The following PCDHA9 variants were observed in gnomAD, a reference collection of about 807,000 sequenced individuals.
PCDHA9 encodes the protein protocadherin alpha-9.
PCDHA9 carries 62 observed loss-of-function variants against 62.0 expected under a neutral mutation model. The ratio of observed to expected loss-of-function variants is 1.00; its 90% CI spans 0.81 to 1.23. The LOEUF (loss-of-function observed/expected upper bound fraction) is 1.23. PCDHA9 is among the 50% of genes most tolerant of loss of function. The probability of loss-of-function intolerance (pLI) is 0.00; values close to 1 mark genes in which losing one functional copy is unlikely to be tolerated. For missense variants in PCDHA9, 1,205 were observed against 1,249.8 expected (o/e 0.96, Z 0.54); for synonymous variants, 557 against 567.6 (o/e 0.98, Z 0.27).
At position 140,857,973 on chromosome 5, in the gene PCDHA9, C is replaced by G. The variant is rs114376757; in HGVS notation, c.2394+7084C>G. On this transcript the variant is annotated intron_variant, in intron 1 of 3. Transcript: ENST00000532602. ...CGCGCTCTGGATGAGACTGACTCGC[C>G]ACGCCAGCGCCTACTGGTGCTGGTG... is the stretch of plus-strand genomic sequence containing the variant. The G allele has an allele frequency of 3.1e-3, 4,989 of 1,596,810 alleles. 388 individuals carry two copies. In the African/African-American group the frequency reaches 0.058, roughly 19 times the overall value.
chr5:140,872,015 G>T (rs1322069149), intron 1 of PCDHA9, among the ~76,000 whole-genome samples: 3 of 152,208 alleles, frequency 2.0e-5, no homozygotes, highest in Non-Finnish European at 4.4e-5. Flanking sequence ...GTGACCTGTA[G>T]CCTGGAACTG....
At chr5:140,941,247 CT>C (rs1398354432) in intron 1 of PCDHA9, among the ~76,000 whole-genome samples, 1 of 128,506 alleles carries the variant, frequency 7.8e-6, no homozygotes, top group African/African-American at 2.9e-5. Context: ...TTCTTTCTTT[CT>C]TTCTTTCTCT....
At chr5:140,956,156 T>C (rs1467785699) in intron 1 of PCDHA9, among the ~76,000 whole-genome samples, 1 of 152,204 alleles carries the variant, frequency 6.6e-6, no homozygotes, top group Non-Finnish European at 1.5e-5. Flanking sequence ...TCTTTCCTAA[T>C]TGCCATAGCC....
At chr5:140,901,515 T>C (rs1323018473) in intron 1 of PCDHA9, among the ~76,000 whole-genome samples, 1 of 152,178 alleles carries the variant, frequency 6.6e-6, no homozygotes, top group Non-Finnish European at 1.5e-5. Context: ...ATTATAGATA[T>C]GTGGATTTGT....
At chr5:140,892,588 T>C (rs751167275) in intron 1 of PCDHA9, among the ~76,000 whole-genome samples, 12 of 152,204 alleles carry the variant, frequency 7.9e-5, no homozygotes, top group Non-Finnish European at 1.8e-4. Flanking sequence ...TCAGTATTCA[T>C]TCACCTATTT....
intron 1 of PCDHA9, among the ~76,000 whole-genome samples, chr5:140,923,177 A>G (rs1325033307): frequency 2.0e-5 from 3 of 152,174 alleles, no homozygotes; most frequent in African/African-American, 7.2e-5. Context: ...TTTTGTTCAG[A>G]TGCATCTACT....
At chr5:140,879,634 C>T (rs888836313) in intron 1 of PCDHA9, among the ~76,000 whole-genome samples, 2 of 152,306 alleles carry the variant, frequency 1.3e-5, no homozygotes, top group Admixed American at 1.3e-4. Context: ...GTAAGTGTGT[C>T]GCTTCCTGTG....
At chr5:140,950,976 A>G (rs543425095) in intron 1 of PCDHA9, among the ~76,000 whole-genome samples, 188 of 151,348 alleles carry the variant, frequency 1.2e-3, no homozygotes, top group African/African-American at 4.3e-3. Flanking sequence ...AGATTCATTG[A>G]CTTTTGCCTC....
chr5:141,006,441 C>T (rs2098274470), intron 3 of PCDHA9, among the ~76,000 whole-genome samples: 1 of 152,110 alleles, frequency 6.6e-6, no homozygotes, highest in Non-Finnish European at 1.5e-5. Flanking sequence ...TCTCAATCTC[C>T]TGACCTCGAG....
intron 2 of PCDHA9, 73 bp downstream of exon 2, chr5:140,979,080 A>T: frequency 1.3e-6 from 2 of 1,572,720 alleles, no homozygotes; most frequent in Non-Finnish European, 1.7e-6. Context: ...GCATCTCCAT[A>T]GGCCAGAAGC....
At chr5:140,945,673 A>G (rs192775886) in intron 1 of PCDHA9, among the ~76,000 whole-genome samples, 137 of 152,272 alleles carry the variant, frequency 9.0e-4, no homozygotes, top group Middle Eastern at 3.4e-3. Context: ...CCAGAAATAA[A>G]TCCACACAGT....
intron 1 of PCDHA9, chr5:140,856,597 C>T: frequency 6.3e-7 from 1 of 1,597,412 alleles, no homozygotes; most frequent in East Asian, 2.2e-5. Context: ...ATATTATAAA[C>T]AAAAAAGACA....
chr5:140,966,702 G>T, intron 1 of PCDHA9: 1 of 1,367,880 alleles, frequency 7.3e-7, no homozygotes. Flanking sequence ...GCCCGGGCGT[G>T]GGGCACGGCT....
At chr5:140,977,816 T>C (rs2096776197) in intron 1 of PCDHA9, among the ~76,000 whole-genome samples, 1 of 152,190 alleles carries the variant, frequency 6.6e-6, no homozygotes, top group Non-Finnish European at 1.5e-5. Flanking sequence ...TTATTGACAG[T>C]TTTGAATGGT....
chr5:140,965,401 A>G (rs546046699), intron 1 of PCDHA9, among the ~76,000 whole-genome samples: 2 of 152,284 alleles, frequency 1.3e-5, no homozygotes, highest in African/African-American at 4.8e-5. Flanking sequence ...AAGTCTAAGG[A>G]GTCTTATATT....
chr5:140,890,056 C>T (rs2062472126), intron 1 of PCDHA9, among the ~76,000 whole-genome samples: 1 of 152,124 alleles, frequency 6.6e-6, no homozygotes, highest in African/African-American at 2.4e-5. Flanking sequence ...GGAGCTGGCT[C>T]TTTTACTGGC....
At chr5:140,924,596 T>C (rs1309205821) in intron 1 of PCDHA9, among the ~76,000 whole-genome samples, 1 of 152,116 alleles carries the variant, frequency 6.6e-6, no homozygotes, top group Non-Finnish European at 1.5e-5. Context: ...TATAGAAATA[T>C]GCAGGCTGAT....
chr5:140,972,700 T>C (rs1353443535), intron 1 of PCDHA9, among the ~76,000 whole-genome samples: 3 of 147,702 alleles, frequency 2.0e-5, no homozygotes, highest in African/African-American at 7.5e-5. Context: ...AGTCTCACTC[T>C]GTTGCCAGGC....
intron 1 of PCDHA9, among the ~76,000 whole-genome samples, chr5:140,885,084 A>C (rs1313908585): frequency 6.6e-6 from 1 of 152,198 alleles, no homozygotes; most frequent in South Asian, 2.1e-4. Context: ...AAAGAGCCCC[A>C]TAACTTTTCA....
Sources: allele counts gnomAD v4.1 joint callset (sites outside exome capture counted in the v4.1 genomes callset), GRCh38; gene constraint gnomAD v4.1.1; transcripts MANE v1.5; gene names NCBI Gene and HGNC (gene_info 2026-07-23, HGNC 2026-07-21).